Variants in GMDS observed in about 807,000 individuals in gnomAD.
GMDS encodes the protein GDP-mannose 4,6 dehydratase.
Under a neutral mutation model 49.9 loss-of-function variants are expected in GMDS, and 20 were observed. The observed-to-expected ratio is 0.40, with a 90% CI of 0.28 to 0.58. The LOEUF (loss-of-function observed/expected upper bound fraction) is 0.58, where lower values mean the gene tolerates loss of function less well. Among genes scored for constraint, GMDS ranks in the 20% least tolerant of loss-of-function variants. The pLI is 0.42. For missense variants in GMDS, 362 were observed against 481.4 expected (o/e 0.75, Z 2.32); for synonymous variants, 177 against 178.6 (o/e 0.99, Z 0.07).
At chr6:2,090,907 T>C (rs1017931612) in intron 4 of GMDS, among the ~76,000 whole-genome samples, 9 of 152,206 alleles carry the variant, frequency 5.9e-5, no homozygotes, top group African/African-American at 2.2e-4. Flanking sequence ...AACACTGCCA[T>C]GATAAATATT....
intron 7 of GMDS, among the ~76,000 whole-genome samples, chr6:1,854,263 T>A (rs1483400195): frequency 6.6e-6 from 1 of 152,216 alleles, no homozygotes. Flanking sequence ...TGTGTATGGA[T>A]GAGGCCACTG....
rs1779003006 is a variant in GMDS at position 2,191,247 on chromosome 6, C to G, written c.102+54074G>C. Among the ~76,000 whole-genome samples the G allele has an allele frequency of 6.6e-6, 1 of 152,154 alleles. No homozygotes were observed. Among genetic ancestry groups the G allele is most frequent in the African/African-American group, 2.4e-5 (1 of 41,440 alleles). On this transcript the variant is annotated intron_variant, in intron 1 of 10. Coordinates refer to ENST00000380815, the MANE Select transcript of GMDS (RefSeq NM_001500.4). The surrounding 1 kb of genome is among the most constrained non-coding windows in gnomAD (Gnocchi z 4.6). ...ACCCGCTATCCGCTCCTGGAGGCAC[C>G]CCCTGGGGAAGGGCCGCAAGCGGGA...
intron 9 of GMDS, among the ~76,000 whole-genome samples, chr6:1,670,171 G>C (rs1764372684): frequency 6.6e-6 from 1 of 152,132 alleles, no homozygotes. Flanking sequence ...CCTCCCTGTG[G>C]CACCAGCAGC....
intron 7 of GMDS, among the ~76,000 whole-genome samples, chr6:1,889,178 C>T (rs1033292519): frequency 1.3e-5 from 2 of 152,204 alleles, no homozygotes; most frequent in East Asian, 1.9e-4. Flanking sequence ...TCATTCTCCA[C>T]ACACTCATTA....
At chr6:1,689,025 T>C (rs1394507936) in intron 9 of GMDS, among the ~76,000 whole-genome samples, 2 of 152,168 alleles carry the variant, frequency 1.3e-5, no homozygotes, top group East Asian at 3.8e-4. Flanking sequence ...GAGGGTTGCA[T>C]TGAAAAATGA....
chr6:1,939,588 C>T (rs12196623), intron 6 of GMDS, among the ~76,000 whole-genome samples: 2 of 120,568 alleles, frequency 1.7e-5, no homozygotes, highest in African/African-American at 2.7e-5. Flanking sequence ...TATATACACA[C>T]ACACACACAC....
chr6:2,055,244 T>A (rs1326991081), intron 4 of GMDS, among the ~76,000 whole-genome samples: 1 of 149,704 alleles, frequency 6.7e-6, no homozygotes, highest in African/African-American at 2.5e-5. Flanking sequence ...GTAATTGGGC[T>A]CCCAGAGAAG....
At chr6:1,901,245 C>T (rs560525995) in intron 7 of GMDS, among the ~76,000 whole-genome samples, 12 of 152,178 alleles carry the variant, frequency 7.9e-5, no homozygotes, top group Non-Finnish European at 1.6e-4. Context: ...AATTACGATA[C>T]GTTTCTCTCC....
chr6:2,084,260 G>A (rs962603530), intron 4 of GMDS, among the ~76,000 whole-genome samples: 1 of 152,132 alleles, frequency 6.6e-6, no homozygotes, highest in African/African-American at 2.4e-5. Context: ...GCGTTTGAGA[G>A]GTTTGAGGGA....
chr6:2,127,762 G>T (rs143808282), intron 1 of GMDS, among the ~76,000 whole-genome samples: 1 of 152,224 alleles, frequency 6.6e-6, no homozygotes, highest in Non-Finnish European at 1.5e-5. Flanking sequence ...CAGGAGAGAC[G>T]TGGTATCTGA....
At chr6:1,653,276 C>T (rs1036106028) in intron 9 of GMDS, among the ~76,000 whole-genome samples, 1 of 152,138 alleles carries the variant, frequency 6.6e-6, no homozygotes, top group African/African-American at 2.4e-5. Context: ...TTATAATAGG[C>T]CTTCAAATGC....
intron 1 of GMDS, among the ~76,000 whole-genome samples, chr6:2,167,499 T>G (rs1777726490): frequency 6.6e-6 from 1 of 152,152 alleles, no homozygotes; most frequent in Non-Finnish European, 1.5e-5. Context: ...AGCAGAATGA[T>G]CTTTCAAAAT....
intron 9 of GMDS, among the ~76,000 whole-genome samples, chr6:1,683,200 T>C (rs1013421455): frequency 2.6e-5 from 4 of 152,186 alleles, no homozygotes; most frequent in Non-Finnish European, 5.9e-5. Context: ...CTCGGCTCAC[T>C]GCAAGCTCTG....
chr6:2,084,736 T>C (rs1049391913), intron 4 of GMDS, among the ~76,000 whole-genome samples: 2 of 152,248 alleles, frequency 1.3e-5, no homozygotes, highest in African/African-American at 2.4e-5. Context: ...CTCGATCTCC[T>C]GACCTTGTGA....
At chr6:1,973,501 G>T (rs2127326876) in intron 4 of GMDS, among the ~76,000 whole-genome samples, 1 of 152,232 alleles carries the variant, frequency 6.6e-6, no homozygotes, top group South Asian at 2.1e-4. Context: ...AAAAATATTT[G>T]TTGGAAGATA....
chr6:1,865,274 A>G (rs1229828642), intron 7 of GMDS, among the ~76,000 whole-genome samples: 2 of 152,218 alleles, frequency 1.3e-5, no homozygotes, highest in Non-Finnish European at 2.9e-5. Context: ...CCAACCTAGC[A>G]GATTTGTAAT....
At chr6:2,176,546 G>GCAAA (rs924055777) in intron 1 of GMDS, among the ~76,000 whole-genome samples, 3 of 152,164 alleles carry the variant, frequency 2.0e-5, no homozygotes, top group Non-Finnish European at 4.4e-5. Flanking sequence ...AGGAAGCAGA[G>GCAAA]CAAAGCTCAT....
chr6:1,847,425 T>C (rs1013999141), intron 7 of GMDS, among the ~76,000 whole-genome samples: 4 of 152,216 alleles, frequency 2.6e-5, no homozygotes, highest in African/African-American at 9.7e-5. Context: ...TAGTCATTCA[T>C]GGCAATTTTC....
At chr6:2,121,836 A>G (rs563289540) in intron 2 of GMDS, among the ~76,000 whole-genome samples, 172 of 152,050 alleles carry the variant, frequency 1.1e-3, no homozygotes, top group African/African-American at 3.7e-3. Flanking sequence ...TACCCCACCA[A>G]CCTGGCCCTG....
Sources: allele counts gnomAD v4.1 joint callset (sites outside exome capture counted in the v4.1 genomes callset), GRCh38; gene constraint gnomAD v4.1.1; non-coding constraint Gnocchi (gnomAD v3.1); transcripts MANE v1.5; gene names NCBI Gene and HGNC (gene_info 2026-07-23, HGNC 2026-07-21).